Variants in CREB5 observed in about 807,000 individuals in gnomAD.
The protein encoded by CREB5 is cyclic AMP-responsive element-binding protein 5.
CREB5 carries 19 observed loss-of-function variants against 57.1 expected under a neutral mutation model. The ratio of observed to expected loss-of-function variants is 0.33; its 90% CI spans 0.23 to 0.49. The LOEUF is 0.49. CREB5 is among the 20% of genes least tolerant of loss of function. The pLI is 0.99. For missense variants in CREB5, 579 were observed against 671.6 expected (o/e 0.86, Z 1.52); for synonymous variants, 238 against 238.3 (o/e 1.00, Z 0.01).
intron 7 of CREB5, among the ~76,000 whole-genome samples, chr7:28,775,917 G>A (rs1010177910): frequency 6.6e-6 from 1 of 152,118 alleles, no homozygotes; most frequent in African/African-American, 2.4e-5. Context: ...GCTTGCAAGA[G>A]AGCCAGAAAA....
chr7:28,743,838 C>CTTTTTTTTTTTTT (rs58302393), intron 7 of CREB5, among the ~76,000 whole-genome samples: 5 of 76,016 alleles, frequency 6.6e-5, no homozygotes, highest in Admixed American at 3.7e-4. Context: ...ATCTCCTTTT[C>CTTTTTTTTTTTTT]TTTTTTTTTT....
chr7:28,630,192 T>C (rs1168033463), intron 5 of CREB5, among the ~76,000 whole-genome samples: 2 of 152,232 alleles, frequency 1.3e-5, no homozygotes, highest in African/African-American at 4.8e-5. Context: ...TTAGTTCTGC[T>C]AATTTGACTA....
intron 1 of CREB5, among the ~76,000 whole-genome samples, chr7:28,359,498 G>A (rs1229423811): frequency 6.6e-6 from 1 of 152,196 alleles, no homozygotes; most frequent in Non-Finnish European, 1.5e-5. Flanking sequence ...AAAGGGTGTT[G>A]AGGAAACTGG....
intron 1 of CREB5, among the ~76,000 whole-genome samples, chr7:28,421,352 TG>T (rs1210178827): frequency 6.6e-6 from 1 of 152,220 alleles, no homozygotes; most frequent in Non-Finnish European, 1.5e-5. Flanking sequence ...TAGTATTTCA[TG>T]GTATACATAT....
intron 1 of CREB5, among the ~76,000 whole-genome samples, chr7:28,448,180 T>C (rs1789585306): frequency 6.6e-6 from 1 of 152,220 alleles, no homozygotes; most frequent in Admixed American, 6.5e-5. Context: ...CCGTGCTGGA[T>C]GCTTTCTGCC....
At chr7:28,371,996 C>G (rs1786715351) in intron 1 of CREB5, among the ~76,000 whole-genome samples, 1 of 152,174 alleles carries the variant, frequency 6.6e-6, no homozygotes, top group Non-Finnish European at 1.5e-5. Flanking sequence ...ACGTGTCTGT[C>G]TATTTTTGAG....
intron 5 of CREB5, among the ~76,000 whole-genome samples, chr7:28,717,086 C>CTTTTTTTTTTTTTTT (rs5883165): frequency 7.2e-4 from 79 of 110,198 alleles, no homozygotes; most frequent in African/African-American, 1.1e-3. Context: ...GCTTTATATT[C>CTTTTTTTTTTTTTTT]TTTTTTTTTT....
At chr7:28,685,405 C>T (rs550601647) in intron 5 of CREB5, among the ~76,000 whole-genome samples, 4 of 152,236 alleles carry the variant, frequency 2.6e-5, no homozygotes, top group South Asian at 2.1e-4. Context: ...GTTTTGCCCT[C>T]GCTGACAGGG....
intron 5 of CREB5, among the ~76,000 whole-genome samples, chr7:28,580,818 A>G (rs1210212629): frequency 6.6e-6 from 1 of 152,118 alleles, no homozygotes; most frequent in Non-Finnish European, 1.5e-5. Flanking sequence ...AATCACCCAC[A>G]AGTGCTTCAA....
At chr7:28,581,803 C>G (rs900059818) in intron 5 of CREB5, among the ~76,000 whole-genome samples, 1 of 152,200 alleles carries the variant, frequency 6.6e-6, no homozygotes, top group African/African-American at 2.4e-5. Flanking sequence ...CCCGGGTGAC[C>G]TCACTAGAAG....
intron 1 of CREB5, among the ~76,000 whole-genome samples, chr7:28,321,556 G>A (rs1785495935): frequency 6.6e-6 from 1 of 152,162 alleles, no homozygotes; most frequent in African/African-American, 2.4e-5. Flanking sequence ...CTCGAAATTT[G>A]GTGTGTGAGT....
chr7:28,633,592 T>G (rs1278656403), intron 5 of CREB5, among the ~76,000 whole-genome samples: 3 of 152,164 alleles, frequency 2.0e-5, no homozygotes, highest in Non-Finnish European at 4.4e-5. Flanking sequence ...CACACAGTGG[T>G]CAGGCCAAGC....
At chr7:28,776,146 A>G (rs1562632866) in intron 7 of CREB5, among the ~76,000 whole-genome samples, 1 of 151,834 alleles carries the variant, frequency 6.6e-6, no homozygotes, top group South Asian at 2.1e-4. Flanking sequence ...GACCATCCTG[A>G]CTAACATGGT....
Position 28,819,133 on chromosome 7 carries a change from C to G in CREB5, c.1381C>G (p.Pro461Ala). 2 of 1,613,488 alleles carry G rather than the reference C, an allele frequency of 1.2e-6. No homozygotes were observed. Among genetic ancestry groups the G allele is most frequent in the Non-Finnish European group, 1.7e-6 (2 of 1,179,688 alleles). Residue 461 changes from proline (P) to alanine (A), a missense_variant, in exon 11 of 11, where the codon CCT becomes GCT. By Grantham distance (27) the Pro-to-Ala change is conservative (BLOSUM62 -1). Around this residue, in one of 3 missense-constraint regions of CREB5, gnomAD observed 114 missense variants for 130.8 expected, o/e 0.87. Transcript: ENST00000357727. ...QGYLSPESSPPASPVPACSQQ... is the reference protein window; with the variant it reads ...QGYLSPESSPAASPVPACSQQ... Reference sequence around the variant, plus strand: ...CTCCCTAGGTCCAGAGAGTAGCCCTCCTGCTAGTCCTGTCCCAGCTTGCTC... The same window carrying G: ...CTCCCTAGGTCCAGAGAGTAGCCCTGCTGCTAGTCCTGTCCCAGCTTGCTC...
chr7:28,399,892 T>TA (rs1210138552), intron 1 of CREB5, among the ~76,000 whole-genome samples: 2 of 151,044 alleles, frequency 1.3e-5, no homozygotes, highest in Non-Finnish European at 3.0e-5. Flanking sequence ...CTGTCTCCAC[T>TA]AAAAAAAATA....
At chr7:28,594,203 C>A (rs1306761542) in intron 5 of CREB5, among the ~76,000 whole-genome samples, 1 of 152,162 alleles carries the variant, frequency 6.6e-6, no homozygotes, top group Non-Finnish European at 1.5e-5. Flanking sequence ...GAATTGTGAA[C>A]CATATGTAAA....
chr7:28,667,164 A>G (rs769963427), intron 5 of CREB5, among the ~76,000 whole-genome samples: 10 of 151,770 alleles, frequency 6.6e-5, no homozygotes, highest in Non-Finnish European at 1.3e-4. Context: ...ACCTTCAAAC[A>G]GTTCTCAGAT....
intron 5 of CREB5, among the ~76,000 whole-genome samples, chr7:28,573,059 GC>G (rs1795765740): frequency 6.6e-6 from 1 of 151,954 alleles, no homozygotes. Context: ...CCAAAACCTT[GC>G]CCGGATGATC....
chr7:28,759,698 G>A (rs1805536631), intron 7 of CREB5, among the ~76,000 whole-genome samples: 1 of 152,204 alleles, frequency 6.6e-6, no homozygotes, highest in South Asian at 2.1e-4. Flanking sequence ...CGAGGATGGA[G>A]GGTCACTTGC....
Sources: gnomAD v4.1 joint callset for allele counts (sites outside exome capture counted in the v4.1 genomes callset) on GRCh38, gnomAD v4.1.1 for gene constraint, gnomAD v4.1.1 regional missense constraint, MANE v1.5 for transcripts, NCBI Gene and HGNC (gene_info 2026-07-23, HGNC 2026-07-21) for gene names.